Variants in PCCA observed in about 807,000 individuals in gnomAD.
PCCA encodes the protein propionyl-CoA carboxylase alpha chain, mitochondrial.
In PCCA, 74 loss-of-function variants were observed where a neutral mutation model predicts 101.3. The observed-to-expected ratio is 0.73, with a 90% CI of 0.61 to 0.89. The LOEUF (loss-of-function observed/expected upper bound fraction) is 0.89. Ranked by LOEUF, PCCA falls within the 40% of genes least tolerant of loss-of-function variation. PCCA has a pLI of 0.00. For missense variants in PCCA, 891 were observed against 907.0 expected, an observed-to-expected ratio of 0.98 and a Z score of 0.23; for synonymous variants, 294 against 313.6, an observed-to-expected ratio of 0.94 and a Z score of 0.66.
At chr13:100,166,801 G>C (rs933199518) in intron 6 of PCCA, among the ~76,000 whole-genome samples, 2 of 152,096 alleles carry the variant, frequency 1.3e-5, no homozygotes, top group Admixed American at 1.3e-4. Context: ...GGAATGGCTA[G>C]ATCATTTGTA....
chr13:100,429,849 C>G (rs1325843125), intron 20 of PCCA, among the ~76,000 whole-genome samples: 2 of 151,864 alleles, frequency 1.3e-5, no homozygotes, highest in Non-Finnish European at 2.9e-5. Context: ...TCAGGTCATC[C>G]ACCTGCCTCA....
At chr13:100,090,315 C>G (rs2046161724) in intron 1 of PCCA, among the ~76,000 whole-genome samples, 1 of 152,168 alleles carries the variant, frequency 6.6e-6, no homozygotes, top group African/African-American at 2.4e-5. Flanking sequence ...TGCGGACTTT[C>G]ACTGTTTTCT....
chr13:100,101,215 C>T (rs1050712488), intron 1 of PCCA, among the ~76,000 whole-genome samples: 1 of 152,134 alleles, frequency 6.6e-6, no homozygotes, highest in Non-Finnish European at 1.5e-5. Context: ...AATATCATAT[C>T]TTTGAGTAGA....
At chr13:100,268,279 A>C (rs2063075556) in intron 10 of PCCA, among the ~76,000 whole-genome samples, 1 of 152,184 alleles carries the variant, frequency 6.6e-6, no homozygotes, top group African/African-American at 2.4e-5. Flanking sequence ...ATACAATGTC[A>C]TTTCCCAATC....
At chr13:100,159,084 CTTTTTTTTTTTTTTT>C (rs11350199) in intron 6 of PCCA, among the ~76,000 whole-genome samples, 2 of 58,192 alleles carry the variant, frequency 3.4e-5, no homozygotes, top group South Asian at 1.9e-3. Context: ...AAAATGCTGC[CTTTTTTTTTTTTTTT>C]TTTTTTTTTT....
intron 7 of PCCA, among the ~76,000 whole-genome samples, chr13:100,227,950 A>T (rs2060239539): frequency 6.6e-6 from 1 of 152,160 alleles, no homozygotes; most frequent in Admixed American, 6.5e-5. Context: ...CAAATGAAAA[A>T]TTTTTAAGGG....
intron 19 of PCCA, among the ~76,000 whole-genome samples, chr13:100,400,630 C>CTTTT (rs1281449669): frequency 1.1e-5 from 1 of 90,976 alleles, no homozygotes; most frequent in Non-Finnish European, 2.0e-5. Flanking sequence ...CTTTTTAGTT[C>CTTTT]TTTTTTTTTT....
At chr13:100,194,694 C>T (rs1286243856) in intron 6 of PCCA, among the ~76,000 whole-genome samples, 1 of 152,208 alleles carries the variant, frequency 6.6e-6, no homozygotes, top group Admixed American at 6.5e-5. Flanking sequence ...GCTGGGATTA[C>T]AGGCGTGAGC....
chr13:100,091,967 C>T (rs2046320642), intron 1 of PCCA, among the ~76,000 whole-genome samples: 1 of 152,000 alleles, frequency 6.6e-6, no homozygotes, highest in Admixed American at 6.6e-5. Context: ...TGTTGCCAGG[C>T]TGGAGTGCAG....
intron 18 of PCCA, among the ~76,000 whole-genome samples, chr13:100,359,003 A>T (rs1238214585): frequency 6.6e-6 from 1 of 151,380 alleles, no homozygotes; most frequent in African/African-American, 2.4e-5. Context: ...AGGCTGAGGC[A>T]GGAGAATCAC....
rs2046033793 is a variant in PCCA, at chr13:100,089,204, C to T, written c.84C>T (p.Ser28=). ...GGCCGCCGCAGCAGCTGATGCTGAG[C>T]GCGGCGCTGCGGACCCTGAAGGTGA... ...GRWPPQQLML[S]AALRTLKHVL... Residue 28 remains serine (S), a synonymous_variant, in exon 1 of 24, where the codon AGC becomes AGT. Transcript: ENST00000376285. 4.6e-6 allele frequency: 7 copies of T among 1,523,422 alleles called. No homozygotes were observed. The highest frequency in any genetic ancestry group is 6.2e-6 in the Non-Finnish European group (7 of 1,136,900). The allele number at this position is 1,523,422 out of a possible 1,614,324, so 94.4% of individuals were successfully genotyped here. A position where few individuals can be genotyped will look rare whatever the true frequency, so the allele number is the denominator to read the frequency against.
At chr13:100,370,202 A>G (rs1015950433) in intron 19 of PCCA, among the ~76,000 whole-genome samples, 1 of 146,586 alleles carries the variant, frequency 6.8e-6, no homozygotes, top group African/African-American at 2.5e-5. Context: ...CTCCTGCCTC[A>G]GCCTCCCGAG....
chr13:100,220,418 CCTGA>C (rs1447030640), intron 7 of PCCA, among the ~76,000 whole-genome samples: 2 of 147,044 alleles, frequency 1.4e-5, no homozygotes, highest in South Asian at 2.3e-4. Flanking sequence ...AGCCACCATG[CCTGA>C]CTAATTTTTT....
At chr13:100,527,235 A>G (rs911502419) in intron 22 of PCCA, 17 of 460,620 alleles carry the variant, frequency 3.7e-5, no homozygotes, top group Non-Finnish European at 7.6e-5. Context: ...GAACATTTTT[A>G]TCACTCTCAA....
intron 6 of PCCA, among the ~76,000 whole-genome samples, chr13:100,193,877 AGACCATCCTG>A (rs2057910264): frequency 6.6e-6 from 1 of 152,184 alleles, no homozygotes; most frequent in Admixed American, 6.5e-5. Context: ...CAGGAGATAG[AGACCATCCTG>A]GCTAATATGG....
At chr13:100,427,720 C>A in intron 20 of PCCA, among the ~76,000 whole-genome samples, 1 of 147,070 alleles carries the variant, frequency 6.8e-6, no homozygotes. Context: ...CTAGGAAAAA[C>A]AGTCGTTTAC....
intron 8 of PCCA, among the ~76,000 whole-genome samples, chr13:100,252,543 G>T (rs2061823816): frequency 6.6e-6 from 1 of 151,962 alleles, no homozygotes; most frequent in Non-Finnish European, 1.5e-5. Context: ...GCATCAATAG[G>T]GTGTCATTTT....
chr13:100,334,424 C>T (rs1014564835), intron 17 of PCCA, among the ~76,000 whole-genome samples: 4 of 152,146 alleles, frequency 2.6e-5, no homozygotes, highest in Non-Finnish European at 4.4e-5. Flanking sequence ...GCATATTGAG[C>T]AGAGTCCCTG....
chr13:100,241,187 A>G (rs2061110218), intron 8 of PCCA, among the ~76,000 whole-genome samples: 1 of 152,190 alleles, frequency 6.6e-6, no homozygotes, highest in Non-Finnish European at 1.5e-5. Context: ...ATCACTATCT[A>G]ATTTCAGAAG....
Sources: allele counts gnomAD v4.1 joint callset (sites outside exome capture counted in the v4.1 genomes callset), GRCh38; gene constraint gnomAD v4.1.1; transcripts MANE v1.5; gene names NCBI Gene and HGNC (gene_info 2026-07-23, HGNC 2026-07-21).